The following VGLL4 variants were observed in gnomAD, a reference collection of about 807,000 sequenced individuals.
VGLL4 encodes the protein vestigial like family member 4, also known as transcription cofactor vestigial-like protein 4.
A neutral mutation model predicts 21.0 loss-of-function variants in VGLL4; 7 were observed. The ratio of observed to expected loss-of-function variants is 0.33; its 90% CI spans 0.19 to 0.63. The LOEUF (loss-of-function observed/expected upper bound fraction) is 0.63. Ranked by LOEUF, VGLL4 falls within the 20% of genes least tolerant of loss-of-function variation. The pLI is 0.78. For synonymous variants in VGLL4, 222 were observed against 173.2 expected, an observed-to-expected ratio of 1.28 and a Z score of -2.21; for missense variants, 394 against 425.7, an observed-to-expected ratio of 0.93 and a Z score of 0.66.
At chr3:11,588,599 G>A (rs555726976) in intron 2 of VGLL4, among the ~76,000 whole-genome samples, 5 of 152,366 alleles carry the variant, frequency 3.3e-5, no homozygotes, top group African/African-American at 7.2e-5. Flanking sequence ...GGGCACTGCC[G>A]TGCAAACAGG....
Position 11,682,404 on chromosome 3 carries a change from C to CAAAAA in VGLL4, c.64+20562_64+20566dup, listed in dbSNP as rs34428676. The stretch of plus-strand genomic sequence containing the variant: ...CGGGTGACAGTACAAGACCCTGTCT[C>CAAAAA]AAAAAAAAAAAAAAAAAAAAAAAAA... On this transcript the variant is annotated intron_variant, in intron 2 of 5. Transcript: ENST00000273038. Among the ~76,000 whole-genome samples the CAAAAA allele has an allele frequency of 9.6e-5, 6 of 62,194 alleles. 1 individual carries two copies. Among genetic ancestry groups the CAAAAA allele is most frequent in the African/African-American group, 3.4e-4 (5 of 14,546 alleles). The allele number at this position is 62,194 out of a possible 152,430, so 40.8% of individuals were successfully genotyped here. A position where few individuals can be genotyped will look rare whatever the true frequency, so the allele number is the denominator to read the frequency against.
chr3:11,669,837 T>A (rs1023632925), intron 2 of VGLL4, among the ~76,000 whole-genome samples: 7 of 152,146 alleles, frequency 4.6e-5, no homozygotes, highest in Non-Finnish European at 1.0e-4. Flanking sequence ...CACACCACCA[T>A]GTACTGCTAA....
At chr3:11,634,610 C>T (rs974337896) in intron 1 of VGLL4, among the ~76,000 whole-genome samples, 2 of 152,110 alleles carry the variant, frequency 1.3e-5, no homozygotes, top group Admixed American at 6.5e-5. Flanking sequence ...CTCCATCAAG[C>T]CCCTCTTCAC....
chr3:11,686,345 C>G (rs983411240), intron 2 of VGLL4, among the ~76,000 whole-genome samples: 1 of 152,156 alleles, frequency 6.6e-6, no homozygotes, highest in East Asian at 1.9e-4. Flanking sequence ...TGAAGGAAAT[C>G]CTGATACATG....
chr3:11,675,553 C>T (rs531085364), intron 2 of VGLL4, among the ~76,000 whole-genome samples: 5 of 151,882 alleles, frequency 3.3e-5, no homozygotes, highest in African/African-American at 9.7e-5. Context: ...TAAAACCCCA[C>T]GGAGAAAGAA....
At chr3:11,562,557 C>T (rs1232219009) in intron 3 of VGLL4, among the ~76,000 whole-genome samples, 1 of 152,226 alleles carries the variant, frequency 6.6e-6, no homozygotes, top group Non-Finnish European at 1.5e-5. Flanking sequence ...AGGAAGAGAC[C>T]TCGGAGCTGC....
chr3:11,716,951 C>T (rs2076926567), intron 1 of VGLL4, among the ~76,000 whole-genome samples: 1 of 152,042 alleles, frequency 6.6e-6, no homozygotes, highest in African/African-American at 2.4e-5. Flanking sequence ...TAACATACCT[C>T]GAAGAAATTT....
At chr3:11,670,803 T>C (rs959648596) in intron 2 of VGLL4, among the ~76,000 whole-genome samples, 5 of 152,162 alleles carry the variant, frequency 3.3e-5, no homozygotes, top group African/African-American at 1.2e-4. Context: ...TTTGGGAGGC[T>C]GAGGCTGGCG....
chr3:11,717,050 T>A (rs1363208180), intron 1 of VGLL4, among the ~76,000 whole-genome samples: 2 of 152,254 alleles, frequency 1.3e-5, no homozygotes, highest in Non-Finnish European at 2.9e-5. Context: ...GCAGACACAT[T>A]GGTATGTTAA....
At chr3:11,581,078 TAA>T (rs78523823) in intron 2 of VGLL4, among the ~76,000 whole-genome samples, 25,632 of 146,856 alleles carry the variant, frequency 0.17, 2,734 homozygotes, top group African/African-American at 0.28. Context: ...TTTTTTTTTT[TAA>T]AAAAAAAGAT....
chr3:11,702,743 A>C, intron 2 of VGLL4: 24 of 264,172 alleles, frequency 9.1e-5, no homozygotes, highest in South Asian at 1.6e-4. Flanking sequence ...AAAAAAAAAA[A>C]ACAAAAAAAA....
intron 1 of VGLL4, among the ~76,000 whole-genome samples, chr3:11,604,933 C>T (rs1473907815): frequency 1.4e-5 from 2 of 143,802 alleles, no homozygotes; most frequent in African/African-American, 5.1e-5. Context: ...ATTTGGAAAC[C>T]GTGAGATTGA....
chr3:11,697,021 G>A (rs568000135), intron 2 of VGLL4, among the ~76,000 whole-genome samples: 52 of 152,134 alleles, frequency 3.4e-4, no homozygotes, highest in Non-Finnish European at 5.3e-4. Flanking sequence ...GGGATTAGAG[G>A]TGTAAGCCAC....
At chr3:11,673,743 G>A (rs2076248859) in intron 2 of VGLL4, among the ~76,000 whole-genome samples, 1 of 152,144 alleles carries the variant, frequency 6.6e-6, no homozygotes. Context: ...GCCAGATGTG[G>A]TGGCTCACGC....
At chr3:11,661,022 T>C (rs1239558508) in intron 2 of VGLL4, among the ~76,000 whole-genome samples, 1 of 152,166 alleles carries the variant, frequency 6.6e-6, no homozygotes, top group African/African-American at 2.4e-5. Context: ...AGGATTATGA[T>C]AGCCAAAATT....
chr3:11,624,601 T>C (rs1288086104), intron 1 of VGLL4, among the ~76,000 whole-genome samples: 7 of 152,094 alleles, frequency 4.6e-5, no homozygotes, highest in Non-Finnish European at 1.0e-4. Context: ...AGTTTCCCCA[T>C]ATGGAAAATA....
chr3:11,568,461 G>A lies in VGLL4; in HGVS notation c.273-3442C>T. The A allele has an allele frequency of 1.7e-6, 2 of 1,170,710 alleles. No individual in the cohort carries two copies. Among genetic ancestry groups the A allele is most frequent in the Non-Finnish European group, 2.4e-6 (2 of 817,136 alleles). 72.5% of individuals were successfully genotyped at this position (1,170,710 alleles called of 1,614,324 possible). A position where few individuals can be genotyped will look rare whatever the true frequency, so the allele number is the denominator to read the frequency against. On this transcript the variant is annotated intron_variant, in intron 2 of 4. Transcript: ENST00000430365. This position sits in a 1 kb window ranked among gnomAD's most constrained non-coding sequence, Gnocchi z 5.9. ...CCCTACGCAGGGCAGCAGGGAGAAGGGGACTTCCAGGCCCACTAACTGGAA... is the reference window on the plus strand; with the variant it reads ...CCCTACGCAGGGCAGCAGGGAGAAGAGGACTTCCAGGCCCACTAACTGGAA...
intron 3 of VGLL4, among the ~76,000 whole-genome samples, chr3:11,561,540 C>A (rs1430546399): frequency 5.3e-5 from 8 of 152,200 alleles, no homozygotes; most frequent in Non-Finnish European, 1.2e-4. Context: ...TCCACCACCC[C>A]TCCTCCCCAG....
intron 1 of VGLL4, among the ~76,000 whole-genome samples, chr3:11,613,099 C>T (rs905496676): frequency 6.6e-6 from 1 of 151,916 alleles, no homozygotes; most frequent in Non-Finnish European, 1.5e-5. Context: ...ACCTCTTCAG[C>T]AGTTGAGCCA....
Sources: allele counts gnomAD v4.1 joint callset (sites outside exome capture counted in the v4.1 genomes callset), GRCh38; gene constraint gnomAD v4.1.1; non-coding constraint Gnocchi (gnomAD v3.1); transcripts MANE v1.5; gene names NCBI Gene and HGNC (gene_info 2026-07-23, HGNC 2026-07-21).